CORO2A: variants seen among roughly 807,000 people sequenced by gnomAD.
CORO2A encodes coronin 2A.
Under a neutral mutation model 62.4 loss-of-function variants are expected in CORO2A, and 47 were observed. The observed-to-expected ratio is 0.75, with a 90% CI of 0.60 to 0.96. CORO2A has a LOEUF of 0.96. Among genes scored for constraint, CORO2A ranks in the 40% least tolerant of loss-of-function variants. CORO2A has a pLI of 0.00. For synonymous variants in CORO2A, 273 were observed against 268.9 expected, an observed-to-expected ratio of 1.02 and a Z score of -0.15; for missense variants, 610 against 684.1, an observed-to-expected ratio of 0.89 and a Z score of 1.21.
chr9:98,137,544 G>C, intron 3 of CORO2A, 28 bp downstream of exon 3: 2 of 1,569,346 alleles, frequency 1.3e-6, no homozygotes, highest in East Asian at 2.2e-5. Flanking sequence ...CTTCAGGAAG[G>C]GGAAGCCCCT....
rs1190423140 is a variant in CORO2A at position 98,157,529 on chromosome 9, G to T, written c.132C>A (p.Asn44Lys). 3 of 1,614,214 alleles carry T rather than the reference G, an allele frequency of 1.9e-6. No homozygotes were observed. Among genetic ancestry groups the T allele is most frequent in the Non-Finnish European group, 1.7e-6 (2 of 1,180,042 alleles). The change falls in exon 2 of 12, where the codon AAC (asparagine) becomes AAA (lysine). Residue 44 changes from asparagine (N) to lysine (K), a missense_variant. Coordinates refer to ENST00000375077, the MANE Select transcript of CORO2A (RefSeq NM_052820.4). ...SVHDNHFCAVNPHFIAVVTEC... is the reference protein window; with the variant it reads ...SVHDNHFCAVKPHFIAVVTEC... ...CAGTCACAACTGCAATGAAGTGGGGGTTCACGGCACAGAAGTGGTTGTCGT... is the reference window on the plus strand; with the variant it reads ...CAGTCACAACTGCAATGAAGTGGGGTTTCACGGCACAGAAGTGGTTGTCGT...
chr9:98,139,086 A>C (rs1316149507), intron 2 of CORO2A, among the ~76,000 whole-genome samples: 2 of 151,578 alleles, frequency 1.3e-5, no homozygotes, highest in Non-Finnish European at 2.9e-5. Context: ...AGAACGATAC[A>C]TTCATGGAGA....
At chr9:98,148,819 T>A (rs1388734874) in intron 2 of CORO2A, among the ~76,000 whole-genome samples, 5 of 147,878 alleles carry the variant, frequency 3.4e-5, no homozygotes, top group Non-Finnish European at 7.5e-5. Flanking sequence ...CAAAAAAAAA[T>A]GATCAATACT....
intron 1 of CORO2A, among the ~76,000 whole-genome samples, chr9:98,170,282 T>C (rs777083501): frequency 1.5e-4 from 23 of 152,110 alleles, no homozygotes; most frequent in Non-Finnish European, 2.8e-4. Flanking sequence ...CCTACAGCCC[T>C]GTGGGTACCC....
intron 3 of CORO2A, among the ~76,000 whole-genome samples, chr9:98,136,042 G>C (rs2118820090): frequency 6.6e-6 from 1 of 152,332 alleles, no homozygotes; most frequent in African/African-American, 2.4e-5. Context: ...ATTCACTGTG[G>C]GCATAGCTTC....
chr9:98,175,282 T>C (rs1195669168), intron 1 of CORO2A, among the ~76,000 whole-genome samples: 11 of 152,118 alleles, frequency 7.2e-5, no homozygotes, highest in Non-Finnish European at 1.3e-4. Flanking sequence ...ACCAGGAGCC[T>C]CCCTGCTTCA....
chr9:98,161,980 C>T (rs1046997917), intron 1 of CORO2A, among the ~76,000 whole-genome samples: 1 of 152,168 alleles, frequency 6.6e-6, no homozygotes, highest in South Asian at 2.1e-4. Flanking sequence ...GCAACACCTC[C>T]CCTGGAGCTC....
intron 1 of CORO2A, among the ~76,000 whole-genome samples, chr9:98,176,748 G>T (rs1294679793): frequency 3.9e-5 from 6 of 152,102 alleles, no homozygotes; most frequent in African/African-American, 1.4e-4. Flanking sequence ...TCCCCAAAAG[G>T]ATCCCAGATG....
At chr9:98,149,578 C>T (rs1483306200) in intron 2 of CORO2A, among the ~76,000 whole-genome samples, 6 of 152,228 alleles carry the variant, frequency 3.9e-5, no homozygotes, top group Non-Finnish European at 8.8e-5. Context: ...AAGGGGGGAT[C>T]AGGTGTGCCG....
chr9:98,127,926 T>C (rs1827350027), intron 10 of CORO2A, among the ~76,000 whole-genome samples: 1 of 149,974 alleles, frequency 6.7e-6, no homozygotes, highest in South Asian at 2.1e-4. Context: ...CCCCAGAGTG[T>C]AAAGAAGCTT....
At chr9:98,149,994 C>T (rs973469974) in intron 2 of CORO2A, among the ~76,000 whole-genome samples, 2 of 151,028 alleles carry the variant, frequency 1.3e-5, no homozygotes, top group Non-Finnish European at 2.9e-5. Flanking sequence ...TGCAGTGGCG[C>T]GATCTTGACT....
At chr9:98,148,320 A>G (rs1198484769) in intron 2 of CORO2A, among the ~76,000 whole-genome samples, 2 of 149,534 alleles carry the variant, frequency 1.3e-5, no homozygotes, top group Non-Finnish European at 3.0e-5. Context: ...GCTTGAACCC[A>G]GGAGGCGGAG....
At chr9:98,128,576 C>T (rs928761823) in intron 9 of CORO2A, 31 bp downstream of exon 9, 17 of 1,592,452 alleles carry the variant, frequency 1.1e-5, no homozygotes, top group Non-Finnish European at 1.4e-5. Context: ...GGTTCCCCAC[C>T]TGCCTCCCAT....
chr9:98,128,072 A>C, intron 10 of CORO2A, 98 bp downstream of exon 10: 1 of 936,976 alleles, frequency 1.1e-6, no homozygotes, highest in Non-Finnish European at 1.7e-6. Context: ...GTCATGAGAG[A>C]AGAAAAATCC....
chr9:98,133,535 C>T (rs1015836238), intron 4 of CORO2A, among the ~76,000 whole-genome samples: 3 of 152,200 alleles, frequency 2.0e-5, no homozygotes, highest in African/African-American at 7.2e-5. Context: ...GTTTGCACCT[C>T]CCACAGATCA....
intron 2 of CORO2A, among the ~76,000 whole-genome samples, chr9:98,140,502 G>A (rs1186207119): frequency 6.6e-6 from 1 of 151,622 alleles, no homozygotes; most frequent in Non-Finnish European, 1.5e-5. Flanking sequence ...GTGCAGTGGT[G>A]CAATCATGAT....
chr9:98,150,703 T>C (rs989723261), intron 2 of CORO2A, among the ~76,000 whole-genome samples: 1 of 152,222 alleles, frequency 6.6e-6, no homozygotes, highest in African/African-American at 2.4e-5. Flanking sequence ...AACCAACTAA[T>C]TATTGAATTA....
intron 2 of CORO2A, among the ~76,000 whole-genome samples, chr9:98,155,257 T>C (rs966315182): frequency 7.2e-5 from 11 of 152,178 alleles, no homozygotes; most frequent in Admixed American, 2.6e-4. Flanking sequence ...GAAATGAGTC[T>C]TTTGTCATGT....
At chr9:98,190,845 T>C (rs1444399431) in intron 1 of CORO2A, among the ~76,000 whole-genome samples, 1 of 152,218 alleles carries the variant, frequency 6.6e-6, no homozygotes, top group Non-Finnish European at 1.5e-5. Flanking sequence ...CCAGCACATA[T>C]ACTTTGCCTG....
Sources: allele counts gnomAD v4.1 joint callset (sites outside exome capture counted in the v4.1 genomes callset), GRCh38; gene constraint gnomAD v4.1.1; transcripts MANE v1.5; gene names NCBI Gene and HGNC (gene_info 2026-07-23, HGNC 2026-07-21).